The following VPS8 variants were observed in gnomAD, a reference collection of about 807,000 sequenced individuals.
VPS8 encodes the protein vacuolar protein sorting-associated protein 8 homolog.
In VPS8, 129 loss-of-function variants were observed where a neutral mutation model predicts 216.4. The ratio of observed to expected loss-of-function variants is 0.60; its 90% CI spans 0.52 to 0.69. The LOEUF is 0.69. Among genes scored for constraint, VPS8 ranks in the 30% least tolerant of loss-of-function variants. The pLI is 0.00. For missense variants in VPS8, 1,531 were observed against 1,683.5 expected, an observed-to-expected ratio of 0.91 and a Z score of 1.59; for synonymous variants, 571 against 565.4, an observed-to-expected ratio of 1.01 and a Z score of -0.14.
chr3:184,919,849 T>TC (rs1738303037), intron 28 of VPS8, among the ~76,000 whole-genome samples: 1 of 152,202 alleles, frequency 6.6e-6, no homozygotes, highest in African/African-American at 2.4e-5. Context: ...GTTATCGCTC[T>TC]CTTTTTTTTG....
At chr3:184,980,403 G>T (rs1750005606) in intron 40 of VPS8, among the ~76,000 whole-genome samples, 2 of 151,342 alleles carry the variant, frequency 1.3e-5, no homozygotes, top group Admixed American at 1.3e-4. Flanking sequence ...TGTTTTCCAG[G>T]TTGCTTGTCC....
At chr3:184,866,256 A>G (rs918465120) in intron 16 of VPS8, among the ~76,000 whole-genome samples, 3 of 152,240 alleles carry the variant, frequency 2.0e-5, no homozygotes, top group Non-Finnish European at 4.4e-5. Context: ...TACAACATGG[A>G]TGAATCTTAA....
At chr3:184,874,294 G>A (rs1342951206) in intron 21 of VPS8, among the ~76,000 whole-genome samples, 1 of 152,120 alleles carries the variant, frequency 6.6e-6, no homozygotes, top group Non-Finnish European at 1.5e-5. Flanking sequence ...TTTGTGGCTG[G>A]AATAGATTAG....
At chr3:184,999,320 A>G (rs1252933214) in intron 44 of VPS8, among the ~76,000 whole-genome samples, 4 of 152,160 alleles carry the variant, frequency 2.6e-5, no homozygotes, top group African/African-American at 9.7e-5. Context: ...CGGCCTCCCA[A>G]AGTGCTGGGA....
intron 25 of VPS8, among the ~76,000 whole-genome samples, chr3:184,909,389 G>A (rs1560626734): frequency 6.6e-6 from 1 of 152,132 alleles, no homozygotes; most frequent in African/African-American, 2.4e-5. Context: ...GATTTTTGCA[G>A]GTCCTTACTC....
intron 47 of VPS8, among the ~76,000 whole-genome samples, chr3:185,050,553 C>A (rs1206757164): frequency 6.6e-6 from 1 of 152,248 alleles, no homozygotes; most frequent in Non-Finnish European, 1.5e-5. Flanking sequence ...GGTCGGAGGG[C>A]ACCTCGAAGA....
intron 26 of VPS8, 62 bp from the exon 27 acceptor site, chr3:184,914,919 T>C: frequency 6.8e-7 from 1 of 1,475,316 alleles, no homozygotes; most frequent in Non-Finnish European, 9.5e-7. Flanking sequence ...AACAATGTGT[T>C]ACTCGCTTGA....
At chr3:184,854,278 A>G in intron 13 of VPS8, 105 bp downstream of exon 13, 9 of 1,295,668 alleles carry the variant, frequency 6.9e-6, no homozygotes, top group East Asian at 2.4e-5. Flanking sequence ...AGAAAACTAG[A>G]CAGGATGAAA....
At chr3:185,040,081 A>T (rs1759435621) in intron 46 of VPS8, among the ~76,000 whole-genome samples, 1 of 152,188 alleles carries the variant, frequency 6.6e-6, no homozygotes, top group Admixed American at 6.5e-5. Flanking sequence ...GGGAACTAAT[A>T]GAGTGACAAA....
chr3:184,894,209 C>G (rs940858673), intron 22 of VPS8, among the ~76,000 whole-genome samples: 3 of 151,974 alleles, frequency 2.0e-5, no homozygotes, highest in African/African-American at 7.3e-5. Flanking sequence ...TGCAGGTCAG[C>G]TAGGAATATT....
intron 28 of VPS8, among the ~76,000 whole-genome samples, chr3:184,917,657 T>C (rs1737848991): frequency 6.6e-6 from 1 of 152,226 alleles, no homozygotes; most frequent in Admixed American, 6.5e-5. Flanking sequence ...CTGCCCACCT[T>C]GGCCTCCCAA....
chr3:184,910,417 T>G (rs961286639), intron 25 of VPS8, among the ~76,000 whole-genome samples: 3 of 152,186 alleles, frequency 2.0e-5, no homozygotes, highest in African/African-American at 7.2e-5. Flanking sequence ...GGTGGTAATT[T>G]ACTTGTACAG....
intron 45 of VPS8, among the ~76,000 whole-genome samples, chr3:185,021,355 CATTGCCACTTCA>C (rs1200602480): frequency 6.6e-6 from 1 of 152,148 alleles, no homozygotes; most frequent in Non-Finnish European, 1.5e-5. Context: ...GGACCACTTC[CATTGCCACTTCA>C]AACATATTCT....
At chr3:185,011,113 C>CAAA (rs11386728) in intron 45 of VPS8, among the ~76,000 whole-genome samples, 5 of 144,898 alleles carry the variant, frequency 3.5e-5, no homozygotes, top group Non-Finnish European at 6.0e-5. Context: ...ACACAGAGTA[C>CAAA]AAAAAAAAAA....
chr3:184,869,036 G>T lies in VPS8; in HGVS notation c.1597G>T (p.Gly533Ter). The change falls in exon 19 of 48, where the codon GGA becomes TGA. Residue 533 changes from glycine (G) to a stop codon, truncating the protein, a stop_gained and splice_region_variant. Transcript: ENST00000625842. LOFTEE classifies it high-confidence loss of function. ...FHEGKAKAVV[G>*]LSGDASKRKA... Reference sequence around the variant, plus strand: ...TGAAGGAAAAGCAAAAGCAGTAGTGGGTGAGTAGGCAGAATTCCAGTGTAG... The same window carrying T: ...TGAAGGAAAAGCAAAAGCAGTAGTGTGTGAGTAGGCAGAATTCCAGTGTAG... The T allele has an allele frequency of 1.2e-6, 2 of 1,602,472 alleles. No individual in the cohort carries two copies. The highest frequency in any genetic ancestry group is 1.7e-6 in the Non-Finnish European group (2 of 1,174,388).
At chr3:184,834,897 A>G (rs1312078008) in intron 5 of VPS8, 155 bp downstream of exon 5, 16 of 574,110 alleles carry the variant, frequency 2.8e-5, no homozygotes, top group Middle Eastern at 3.5e-4. Flanking sequence ...TTTTTGACTT[A>G]TGAGACATGG....
rs146894469 is a variant in VPS8, at chr3:185,004,636, T to G, written c.4002+4775T>G. On this transcript the variant is annotated intron_variant, in intron 45 of 47. Transcript: ENST00000625842. ...ATAGTTTAGTGATGTTGAGCATTTT[T>G]TCATACATTTGGCCGTTTGTATGTC... is the stretch of plus-strand genomic sequence containing the variant. Among the ~76,000 whole-genome samples, 221 of 152,346 alleles carry G rather than the reference T, an allele frequency of 1.5e-3. 1 individual carries two copies. Among genetic ancestry groups the G allele is most frequent in the Middle Eastern group, 3.4e-3 (1 of 294 alleles).
intron 21 of VPS8, among the ~76,000 whole-genome samples, chr3:184,884,146 A>G (rs1004816667): frequency 6.6e-6 from 1 of 152,026 alleles, no homozygotes; most frequent in African/African-American, 2.4e-5. Context: ...ATATGTATAC[A>G]TGTGCCATGT....
At chr3:184,930,058 C>G (rs1740410970) in intron 33 of VPS8, among the ~76,000 whole-genome samples, 2 of 151,914 alleles carry the variant, frequency 1.3e-5, no homozygotes, top group Admixed American at 6.6e-5. Flanking sequence ...ATGCAAGAGA[C>G]CTGAGGTGGG....
Sources: gnomAD v4.1 joint callset for allele counts (sites outside exome capture counted in the v4.1 genomes callset) on GRCh38, gnomAD v4.1.1 for gene constraint, MANE v1.5 for transcripts, NCBI Gene and HGNC (gene_info 2026-07-23, HGNC 2026-07-21) for gene names.